The following RNF44 variants were observed in gnomAD, a reference collection of about 807,000 sequenced individuals.
The protein encoded by RNF44 is ring finger protein 44.
RNF44 carries 25 observed loss-of-function variants against 53.6 expected under a neutral mutation model. The observed-to-expected ratio is 0.47, with a 90% CI of 0.34 to 0.65. RNF44 has a LOEUF of 0.65. Ranked by LOEUF, RNF44 falls within the 30% of genes least tolerant of loss-of-function variation. The pLI is 0.01. For synonymous variants in RNF44, 282 were observed against 252.2 expected (o/e 1.12, Z -1.12); for missense variants, 581 against 595.5 (o/e 0.98, Z 0.25).
rs574516223 is a variant in RNF44 at position 176,530,001 on chromosome 5, G to A, written c.926+81C>T. The A allele has an allele frequency of 4.1e-6, 6 of 1,477,766 alleles. No individual in the cohort carries two copies. The African/African-American group carries it at 7.0e-5, about 17-fold the overall frequency. 91.5% of individuals were successfully genotyped at this position (1,477,766 alleles called of 1,614,324 possible). On this transcript the variant is annotated intron_variant, in intron 7 of 10. Coordinates refer to ENST00000274811, the MANE Select transcript of RNF44 (RefSeq NM_014901.5). ...TGGCTTCAGAGGCCCTGGGGCCCCT[G>A]GAGCTGTGTTTAGGTCTAACCACTG...
intron 1 of RNF44, among the ~76,000 whole-genome samples, chr5:176,536,655 C>T (rs1249734184): frequency 6.6e-6 from 1 of 151,946 alleles, no homozygotes; most frequent in Non-Finnish European, 1.5e-5. Flanking sequence ...ATGTGCTCGG[C>T]GTGAGACAAA....
Position 176,529,362 on chromosome 5 carries a change from C to G in RNF44, c.1162G>C (p.Glu388Gln), listed in dbSNP as rs762183198. ...AGGACTCGGAGCAGCTGCCGCGCCTCGAAGTCACTGAAGCAGACCACACAC... is the reference window on the plus strand; with the variant it reads ...AGGACTCGGAGCAGCTGCCGCGCCTGGAAGTCACTGAAGCAGACCACACAC... Reference protein sequence around the residue: ...TLCVVCFSDFEARQLLRVLPC... With the variant: ...TLCVVCFSDFQARQLLRVLPC... The change falls in exon 10 of 11, where the codon GAG becomes CAG. Residue 388 changes from glutamate to glutamine, a missense_variant. Glu to Gln is a conservative substitution (Grantham distance 29). Around this residue, in one of 3 missense-constraint regions of RNF44, gnomAD observed 183 missense variants for 198.6 expected, o/e 0.92. Transcript: ENST00000274811. 1 of 1,613,362 alleles carries G rather than the reference C, an allele frequency of 6.2e-7. No homozygotes were observed. Among genetic ancestry groups the G allele is most frequent in the African/African-American group, 1.3e-5 (1 of 74,930 alleles).
chr5:176,537,674 TCA>T (rs1403930211), upstream of RNF44: 2 of 152,172 alleles, frequency 1.3e-5, no homozygotes, highest in African/African-American at 2.4e-5. Context: ...CCTCTGAGGC[TCA>T]GTTTCCCTGC....
intron 2 of RNF44, 32 bp downstream of exon 2, chr5:176,532,334 C>G: frequency 1.3e-6 from 2 of 1,582,078 alleles, no homozygotes; most frequent in South Asian, 2.3e-5. Context: ...GCCCCCATGC[C>G]CCAGCACCAG....
In RNF44 at chr5:176,529,564, C is replaced by G; in HGVS notation, c.1095G>C (p.Ser365=). 1 of 1,614,010 alleles carries G rather than the reference C, an allele frequency of 6.2e-7. No homozygotes were observed. Among genetic ancestry groups the G allele is most frequent in the Non-Finnish European group, 8.5e-7 (1 of 1,180,022 alleles). The change falls in exon 9 of 11, where the codon TCG becomes TCC. Residue 365 remains serine, a synonymous_variant. Transcript: ENST00000274811. ...GATGGCTGTCCGGGTTAAAGCGGTACGACGGGAGCTGCTCTATGTCTGCTT... is the reference window on the plus strand; with the variant it reads ...GATGGCTGTCCGGGTTAAAGCGGTAGGACGGGAGCTGCTCTATGTCTGCTT... ...LTKADIEQLP[S]YRFNPDSHQS... is the part of the protein sequence containing the mutation.
chr5:176,530,129 TG>T lies in RNF44; in HGVS notation c.878del (p.Pro293HisfsTer49). ...RLQQPLPPPP[P>X]PPPPPPYYPS... ...GGTAGTAGGGTGGTGGGGGTGGGGGTGGGGGCGGCGGGGGCAGTGGCTGCTG... is the reference window on the plus strand; with the variant it reads ...GGTAGTAGGGTGGTGGGGGTGGGGGTGGGGCGGCGGGGGCAGTGGCTGCTG... On this transcript the variant is annotated frameshift_variant, in exon 7 of 11. Transcript: ENST00000274811. LOFTEE classifies it high-confidence loss of function. 1 of 81,214 alleles carries T rather than the reference TG, an allele frequency of 1.2e-5. No individual in the cohort carries two copies. The highest frequency in any genetic ancestry group is 1.4e-5 in the Non-Finnish European group (1 of 70,538). The allele number at this position is 81,214 out of a possible 1,614,324, so 5.0% of individuals were successfully genotyped here. A position where few individuals can be genotyped will look rare whatever the true frequency, so the allele number is the denominator to read the frequency against.
intron 6 of RNF44, 66 bp downstream of exon 6, chr5:176,530,516 G>C (rs373737795): frequency 7.4e-7 from 1 of 1,345,830 alleles, no homozygotes; most frequent in Non-Finnish European, 9.6e-7. Flanking sequence ...CCCAGATGCA[G>C]GTCGGCCCAG....
intron 1 of RNF44, among the ~76,000 whole-genome samples, chr5:176,532,747 CA>C (rs3051911): frequency 5.9e-4 from 43 of 72,602 alleles, no homozygotes; most frequent in African/African-American, 8.6e-4. Context: ...ACTCCCGTCT[CA>C]AAAAAAAAAA....
chr5:176,533,563 T>A (rs1036110112), intron 1 of RNF44, among the ~76,000 whole-genome samples: 1 of 152,132 alleles, frequency 6.6e-6, no homozygotes, highest in African/African-American at 2.4e-5. Context: ...CTGGGGAGAC[T>A]GTGGAGTCTG....
intron 10 of RNF44, 67 bp downstream of exon 10, chr5:176,529,221 G>A: frequency 6.4e-7 from 1 of 1,553,272 alleles, no homozygotes; most frequent in South Asian, 1.1e-5. Flanking sequence ...GAGGGAAACA[G>A]CCCAGGCCAG....
In RNF44 at chr5:176,537,260, G is replaced by C. The variant is rs1045940740; in HGVS notation, c.-365C>G. ...CGGCAGCCGGCGGCTGGCCCTTTAA[G>C]AACTGTCCGCGGCGGCAGCGGAATG... On this transcript the variant is annotated 5_prime_UTR_variant, in exon 1 of 11. Coordinates refer to ENST00000274811, the MANE Select transcript of RNF44 (RefSeq NM_014901.5). 3.9e-5 allele frequency: 6 copies of C among 152,326 alleles called. No individual in the cohort carries two copies. The highest frequency in any genetic ancestry group is 7.2e-5 in the African/African-American group (3 of 41,468). The allele number at this position is 152,326 out of a possible 1,614,324, so 9.4% of individuals were successfully genotyped here.
intron 1 of RNF44, 101 bp downstream of exon 1, chr5:176,536,839 C>T (rs2113201425): frequency 6.6e-6 from 1 of 152,338 alleles, no homozygotes; most frequent in African/African-American, 2.4e-5. Flanking sequence ...GTGATTAACC[C>T]CTACGGAGCC....
intron 1 of RNF44, among the ~76,000 whole-genome samples, chr5:176,533,227 T>A (rs1216649808): frequency 6.6e-6 from 1 of 152,182 alleles, no homozygotes; most frequent in African/African-American, 2.4e-5. Context: ...TGGGACCCAG[T>A]TCTCCTCTTA....
At chr5:176,535,478 C>T (rs750016075) in intron 1 of RNF44, among the ~76,000 whole-genome samples, 1 of 152,118 alleles carries the variant, frequency 6.6e-6, no homozygotes. Context: ...ACAGGGGTGG[C>T]GTAGAAGGGT....
In RNF44 at chr5:176,531,602, T is replaced by C. The variant is rs760711300; in HGVS notation, c.326A>G (p.Tyr109Cys). ...QVHQGPVPLS[Y>C]TVTTVTTQGF... Reference sequence around the variant, plus strand: ...TTGGGTCGTCACTGTGGTGACCGTGTAGGACAGAGGGACAGGTCCCTGGTG... The same window carrying C: ...TTGGGTCGTCACTGTGGTGACCGTGCAGGACAGAGGGACAGGTCCCTGGTG... Residue 109 changes from tyrosine to cysteine, a missense_variant, in exon 4 of 11, where the codon TAC (tyrosine) becomes TGC (cysteine). This residue lies in a region of RNF44 where 387 missense variants were observed against 366.0 expected (regional missense o/e 1.06). Transcript: ENST00000274811. The surrounding 1 kb of genome is among the most constrained non-coding windows in gnomAD (Gnocchi z 4.2). 1.9e-6 allele frequency: 3 copies of C among 1,613,284 alleles called. No individual in the cohort carries two copies. The highest frequency in any genetic ancestry group is 1.1e-5 in the South Asian group (1 of 91,046).
intron 5 of RNF44, 36 bp downstream of exon 5, chr5:176,530,812 C>T: frequency 3.4e-6 from 5 of 1,460,322 alleles, no homozygotes; most frequent in Non-Finnish European, 3.6e-6. Context: ...TCCCCCCACG[C>T]CATCTCCCTC....
chr5:176,535,972 A>G (rs1348847187), intron 1 of RNF44: 1 of 152,100 alleles, frequency 6.6e-6, no homozygotes, highest in Non-Finnish European at 1.5e-5. Flanking sequence ...CCAACCCCTT[A>G]AGTCCAGTGC....
intron 1 of RNF44, among the ~76,000 whole-genome samples, chr5:176,534,021 C>A (rs1473655470): frequency 6.6e-6 from 1 of 152,232 alleles, no homozygotes; most frequent in African/African-American, 2.4e-5. Flanking sequence ...TTCCTTCCTG[C>A]CAACAGCGGC....
chr5:176,529,898 G>A, intron 7 of RNF44, 80 bp from the exon 8 acceptor site: 3 of 1,421,714 alleles, frequency 2.1e-6, no homozygotes, highest in African/African-American at 2.9e-5. Context: ...CTCCCTCCTT[G>A]CAAACAGAGC....
Sources: gnomAD v4.1 joint callset for allele counts (sites outside exome capture counted in the v4.1 genomes callset) on GRCh38, gnomAD v4.1.1 for gene constraint, gnomAD v4.1.1 regional missense constraint, Gnocchi (gnomAD v3.1) non-coding constraint, MANE v1.5 for transcripts, NCBI Gene and HGNC (gene_info 2026-07-23, HGNC 2026-07-21) for gene names.